Variants in INCENP observed in about 807,000 individuals in gnomAD.
The protein encoded by INCENP is binds and activates aurora-B and -C in vivo and in vitro.
A neutral mutation model predicts 107.3 loss-of-function variants in INCENP; 43 were observed. The observed-to-expected ratio is 0.40, with a 90% CI of 0.31 to 0.52. INCENP has a LOEUF of 0.52. Ranked by LOEUF, INCENP falls within the 20% of genes least tolerant of loss-of-function variation. The pLI is 0.53. For synonymous variants in INCENP, 488 were observed against 494.4 expected, an observed-to-expected ratio of 0.99 and a Z score of 0.17; for missense variants, 1,089 against 1,250.9, an observed-to-expected ratio of 0.87 and a Z score of 1.95.
intron 11 of INCENP, among the ~76,000 whole-genome samples, chr11:62,144,325 T>A (rs1332845093): frequency 8.5e-6 from 1 of 117,904 alleles, no homozygotes; most frequent in Non-Finnish European, 1.8e-5. Flanking sequence ...GAGCAGACTC[T>A]GTCTCCACAC....
At chr11:62,131,718 G>A (rs563182434) in intron 4 of INCENP, among the ~76,000 whole-genome samples, 2 of 152,220 alleles carry the variant, frequency 1.3e-5, no homozygotes, top group Admixed American at 6.5e-5. Flanking sequence ...GGAGGCTGCT[G>A]TAAGGATGCA....
chr11:62,140,619 G>T, intron 8 of INCENP, 85 bp from the exon 9 acceptor site: 1 of 1,183,318 alleles, frequency 8.5e-7, no homozygotes, highest in Non-Finnish European at 1.2e-6. Flanking sequence ...CCTGGGCCCG[G>T]TATTGTTCAC....
chr11:62,148,229 C>T (rs1792881), intron 15 of INCENP, among the ~76,000 whole-genome samples: 3,314 of 152,286 alleles, frequency 0.022, 126 homozygotes, highest in African/African-American at 0.075. Context: ...CTCAGAGACC[C>T]AAGTTACAAG....
At position 62,130,351 on chromosome 11, in the gene INCENP, C is replaced by A. The variant is rs747232588; in HGVS notation, c.824C>A (p.Ser275Tyr). Residue 275 changes from serine (S) to tyrosine (Y), a missense_variant, in exon 4 of 19, where the codon TCT becomes TAT. By Grantham distance (144) the Ser-to-Tyr change is moderately radical. Coordinates refer to ENST00000394818, the MANE Select transcript of INCENP (RefSeq NM_001040694.2). ...GPRDSPAFPD[S>Y]PWRERVLAPI... ...CGGGACTCGCCAGCCTTTCCAGATT[C>A]TCCATGGCGGGAGCGGGTGCTGGCT... 3 of 1,612,376 alleles carry A rather than the reference C, an allele frequency of 1.9e-6. No homozygotes were observed. The South Asian group carries it at 3.3e-5, about 18-fold the overall frequency.
At position 62,138,974 on chromosome 11, in the gene INCENP, C is replaced by T; in HGVS notation, c.1260C>T (p.Ser420=). The T allele has an allele frequency of 6.2e-7, 1 of 1,614,006 alleles. No homozygotes were observed. The highest frequency in any genetic ancestry group is 8.5e-7 in the Non-Finnish European group (1 of 1,179,886). The change falls in exon 7 of 19, where the codon AGC becomes AGT. Residue 420 remains serine (S), a synonymous_variant. Coordinates refer to ENST00000394818, the MANE Select transcript of INCENP (RefSeq NM_001040694.2). ...NSTPNPKPAA[S]SPETPSAGQQ... Reference sequence around the variant, plus strand: ...CACCCAACCCGAAGCCTGCAGCCAGCAGCCCGGAAACACCCTCTGCAGGGC... The same window carrying T: ...CACCCAACCCGAAGCCTGCAGCCAGTAGCCCGGAAACACCCTCTGCAGGGC...
In INCENP at chr11:62,153,158, C is replaced by T. The variant is rs1944410412; in HGVS notation, c.*1182C>T. ...ACAAAATAAAGCCTAAATCCAAGAACACTTTTAAAAATGAGGAAATAGTGA... is the reference window on the plus strand; with the variant it reads ...ACAAAATAAAGCCTAAATCCAAGAATACTTTTAAAAATGAGGAAATAGTGA... On this transcript the variant is annotated 3_prime_UTR_variant, in exon 19 of 19. Coordinates refer to ENST00000394818, the MANE Select transcript of INCENP (RefSeq NM_001040694.2). 1 of 152,210 alleles carries T rather than the reference C, an allele frequency of 6.6e-6. No individual in the cohort carries two copies. The highest frequency in any genetic ancestry group is 6.5e-5 in the Admixed American group (1 of 15,288). The allele number at this position is 152,210 out of a possible 1,614,324, so 9.4% of individuals were successfully genotyped here. A position where few individuals can be genotyped will look rare whatever the true frequency, so the allele number is the denominator to read the frequency against.
chr11:62,152,313 G>A lies in INCENP; in HGVS notation c.*337G>A. 3.0e-6 allele frequency: 1 copy of A among 334,824 alleles called. No homozygotes were observed. Among genetic ancestry groups the A allele is most frequent in the South Asian group, 3.4e-5 (1 of 28,988 alleles). The allele number at this position is 334,824 out of a possible 1,614,324, so 20.7% of individuals were successfully genotyped here. A position where few individuals can be genotyped will look rare whatever the true frequency, so the allele number is the denominator to read the frequency against. ...AGCGTTTGGGAGGTAGATTAATAAA[G>A]TATATTCCTTCAAGCCTGCTGTTGA... On this transcript the variant is annotated 3_prime_UTR_variant, in exon 19 of 19. Transcript: ENST00000394818.
intron 15 of INCENP, among the ~76,000 whole-genome samples, 175 bp from the exon 16 acceptor site, chr11:62,148,301 C>T (rs1944298813): frequency 6.6e-6 from 1 of 152,238 alleles, no homozygotes; most frequent in Admixed American, 6.5e-5. Flanking sequence ...GGTGTGCACA[C>T]TTCTAGCCCC....
intron 11 of INCENP, among the ~76,000 whole-genome samples, chr11:62,142,004 A>G (rs879759146): frequency 3.3e-5 from 5 of 152,172 alleles, no homozygotes; most frequent in Admixed American, 3.3e-4. Context: ...GTGCTGGGTG[A>G]CAGTAGAACA....
chr11:62,137,744 C>T, intron 4 of INCENP, 88 bp from the exon 5 acceptor site: 3 of 1,197,300 alleles, frequency 2.5e-6, no homozygotes, highest in Admixed American at 1.7e-5. Context: ...TGGCCAGGCC[C>T]TTGCTGGAAC....
chr11:62,141,114 G>GTT, intron 10 of INCENP, 70 bp downstream of exon 10: 1 of 1,545,670 alleles, frequency 6.5e-7, no homozygotes, highest in Non-Finnish European at 8.8e-7. Context: ...AGTCTGTCCT[G>GTT]TAAGATACTG....
chr11:62,139,673 T>C (rs566474981), intron 7 of INCENP, among the ~76,000 whole-genome samples: 3 of 152,302 alleles, frequency 2.0e-5, no homozygotes, highest in East Asian at 3.9e-4. Flanking sequence ...ACACCCTCCA[T>C]GTTGACCCTG....
chr11:62,142,422 A>G (rs1039530567), intron 11 of INCENP, among the ~76,000 whole-genome samples: 1 of 152,234 alleles, frequency 6.6e-6, no homozygotes, highest in Non-Finnish European at 1.5e-5. Flanking sequence ...AGAGCCCTGC[A>G]GGTCTCACAG....
chr11:62,146,689 T>C lies in INCENP; in HGVS notation c.1991T>C (p.Leu664Pro). 6.5e-7 allele frequency: 1 copy of C among 1,550,250 alleles called. No homozygotes were observed. Among genetic ancestry groups the C allele is most frequent in the Non-Finnish European group, 8.7e-7 (1 of 1,146,708 alleles). ...EEEERRHQEL[L>P]QKKKEEEQER... ...GAAGAGCGGCGGCACCAAGAGCTGC[T>C]GCAGAAGAAGAAGGAAGAGGAGCAG... is the stretch of plus-strand genomic sequence containing the variant. The change falls in exon 15 of 19, where the codon CTG becomes CCG. Residue 664 changes from leucine to proline, a missense_variant. Transcript: ENST00000394818.
In INCENP at chr11:62,140,813, G is replaced by GCCAGCA; in HGVS notation, c.1454_1459dup (p.Ser486_Lys487insThrSer). On this transcript the variant is annotated inframe_insertion, in exon 9 of 19. Coordinates refer to ENST00000394818, the MANE Select transcript of INCENP (RefSeq NM_001040694.2). ...CAAGACCCCTTCCTCACCCTGCCCA[G>GCCAGCA]CCAGCAAGGTGAGCCAGGCACCTGC... 6.2e-7 allele frequency: 1 copy of GCCAGCA among 1,613,422 alleles called. No individual in the cohort carries two copies. The highest frequency in any genetic ancestry group is 8.5e-7 in the Non-Finnish European group (1 of 1,179,884).
chr11:62,144,335 C>CAAAAAAA (rs3972386), intron 11 of INCENP, among the ~76,000 whole-genome samples: 4 of 133,868 alleles, frequency 3.0e-5, no homozygotes, highest in African/African-American at 1.1e-4. Flanking sequence ...TGTCTCCACA[C>CAAAAAAA]AAAAAAAAAA....
chr11:62,134,052 T>C (rs1334314664), intron 4 of INCENP, among the ~76,000 whole-genome samples: 1 of 152,062 alleles, frequency 6.6e-6, no homozygotes, highest in African/African-American at 2.4e-5. Context: ...TGGCCCTCCT[T>C]CTCCCTAGAC....
chr11:62,146,607 C>T (rs1282468160), intron 14 of INCENP, 51 bp from the exon 15 acceptor site: 1 of 1,545,564 alleles, frequency 6.5e-7, no homozygotes, highest in South Asian at 1.2e-5. Flanking sequence ...TGCTGTCCTG[C>T]CTCTCTGGCC....
At chr11:62,147,050 GC>G in intron 15 of INCENP, 148 bp downstream of exon 15, 1 of 1,301,030 alleles carries the variant, frequency 7.7e-7, no homozygotes, top group Non-Finnish European at 1.1e-6. Flanking sequence ...TGAATACACT[GC>G]CCATTGGCTA....
Sources: gnomAD v4.1 joint callset for allele counts (sites outside exome capture counted in the v4.1 genomes callset) on GRCh38, gnomAD v4.1.1 for gene constraint, MANE v1.5 for transcripts, NCBI Gene and HGNC (gene_info 2026-07-23, HGNC 2026-07-21) for gene names.